Variants in WDPCP observed in about 807,000 individuals in gnomAD.
WDPCP encodes WD repeat-containing and planar cell polarity effector protein fritz homolog.
WDPCP carries 71 observed loss-of-function variants against 93.1 expected under a neutral mutation model. The ratio of observed to expected loss-of-function variants is 0.76; its 90% CI spans 0.63 to 0.93. The LOEUF is 0.93. Among genes scored for constraint, WDPCP ranks in the 40% least tolerant of loss-of-function variants. WDPCP has a pLI of 0.00. For synonymous variants in WDPCP, 315 were observed against 315.0 expected (o/e 1.00, Z 0.00); for missense variants, 844 against 887.4 (o/e 0.95, Z 0.62).
Position 63,121,436 on chromosome 2 carries a change from G to A in WDPCP, c.*570C>T, listed in dbSNP as rs1348386494. The A allele has an allele frequency of 7.0e-6, 1 of 141,884 alleles. No homozygotes were observed. Among genetic ancestry groups the A allele is most frequent in the Non-Finnish European group, 1.5e-5 (1 of 66,576 alleles). 8.8% of individuals were successfully genotyped at this position (141,884 alleles called of 1,614,324 possible). A position where few individuals can be genotyped will look rare whatever the true frequency, so the allele number is the denominator to read the frequency against. ...GTCACTCTCTGTTGCCCAGGTTAGA[G>A]TGCAGTGGCGCGATCACAGCTCACT... On this transcript the variant is annotated 3_prime_UTR_variant, in exon 18 of 18. Transcript: ENST00000272321.
chr2:63,503,383 T>C (rs1701673566), intron 1 of WDPCP, among the ~76,000 whole-genome samples: 1 of 152,184 alleles, frequency 6.6e-6, no homozygotes, highest in Non-Finnish European at 1.5e-5. Flanking sequence ...TGCACACAAT[T>C]TTCCATTATC....
chr2:63,547,556 TACAC>T (rs1553429504), intron 1 of WDPCP, among the ~76,000 whole-genome samples: 1 of 4,774 alleles, frequency 2.1e-4, no homozygotes, highest in African/African-American at 3.7e-3. Flanking sequence ...GTGGTATGTA[TACAC>T]ACACACACAC....
chr2:63,441,655 G>T (rs559942613), intron 6 of WDPCP: 2 of 152,020 alleles, frequency 1.3e-5, no homozygotes, highest in Admixed American at 6.6e-5. Context: ...AAAAAACTTG[G>T]TCTAATTTTC....
chr2:63,187,630 T>A (rs977334678), intron 14 of WDPCP, among the ~76,000 whole-genome samples: 1 of 152,220 alleles, frequency 6.6e-6, no homozygotes, highest in Non-Finnish European at 1.5e-5. Context: ...CCCCCTTATG[T>A]TATTGTCATA....
rs547631355 is a variant in WDPCP, at chr2:63,694,913, T to C, written n.309-44075A>G. On this transcript the variant is annotated intron_variant and non_coding_transcript_variant, in intron 2 of 4. Coordinates refer to the WDPCP transcript ENST00000467687. Reference sequence around the variant, plus strand: ...TAGACTGAGAAGGGTTCAACTTCTGTCTGGTCAAAGTTTGCAGGCCAAGTT... The same window carrying C: ...TAGACTGAGAAGGGTTCAACTTCTGCCTGGTCAAAGTTTGCAGGCCAAGTT... Among the ~76,000 whole-genome samples, 12 of 152,272 alleles carry C rather than the reference T, an allele frequency of 7.9e-5. No individual in the cohort carries two copies. The East Asian group carries it at 2.3e-3, about 29-fold the overall frequency.
At chr2:63,563,616 A>C (rs979679364) in intron 1 of WDPCP, among the ~76,000 whole-genome samples, 8 of 152,050 alleles carry the variant, frequency 5.3e-5, no homozygotes, top group Non-Finnish European at 1.0e-4. Flanking sequence ...AAATGTTCTC[A>C]ATTAGATAGT....
chr2:63,227,189 A>C (rs1416896413), intron 14 of WDPCP, among the ~76,000 whole-genome samples: 1 of 151,942 alleles, frequency 6.6e-6, no homozygotes, highest in East Asian at 1.9e-4. Context: ...TTTTATTATA[A>C]ATATAGCTTT....
chr2:63,481,936 A>T (rs972641868), intron 6 of WDPCP, among the ~76,000 whole-genome samples: 1 of 151,974 alleles, frequency 6.6e-6, no homozygotes, highest in South Asian at 2.1e-4. Flanking sequence ...AGGAGAAAAA[A>T]TAAGTAAACA....
chr2:63,417,719 A>G (rs1467299839), intron 9 of WDPCP, among the ~76,000 whole-genome samples: 1 of 148,712 alleles, frequency 6.7e-6, no homozygotes, highest in Non-Finnish European at 1.5e-5. Flanking sequence ...GACTGAAATG[A>G]CATCAAATTA....
intron 1 of WDPCP, among the ~76,000 whole-genome samples, chr2:63,493,391 T>C (rs1701016298): frequency 6.6e-6 from 1 of 152,160 alleles, no homozygotes; most frequent in East Asian, 1.9e-4. Flanking sequence ...ACAAACAGGC[T>C]AATTAAAGTG....
At chr2:63,763,852 G>A (rs995283273) in intron 2 of WDPCP, among the ~76,000 whole-genome samples, 1 of 152,104 alleles carries the variant, frequency 6.6e-6, no homozygotes, top group African/African-American at 2.4e-5. Context: ...GCTTCAAACG[G>A]TACAGGGTGG....
chr2:63,272,910 C>T (rs901546252), intron 13 of WDPCP, among the ~76,000 whole-genome samples: 3 of 152,084 alleles, frequency 2.0e-5, no homozygotes, highest in African/African-American at 7.2e-5. Context: ...CAAAACGTTC[C>T]TAAATAGATA....
intron 1 of WDPCP, among the ~76,000 whole-genome samples, chr2:63,494,161 C>CA (rs1701061391): frequency 6.6e-6 from 1 of 152,030 alleles, no homozygotes; most frequent in South Asian, 2.1e-4. Context: ...AAAAATGTGG[C>CA]AGCACACAAG....
chr2:63,354,758 A>G (rs886602963), intron 12 of WDPCP, among the ~76,000 whole-genome samples: 1 of 152,104 alleles, frequency 6.6e-6, no homozygotes, highest in Non-Finnish European at 1.5e-5. Flanking sequence ...AAAACCTAAC[A>G]GGTCTGACAG....
intron 2 of WDPCP, among the ~76,000 whole-genome samples, chr2:63,800,348 AG>A (rs1240397297): frequency 1.3e-5 from 2 of 152,218 alleles, no homozygotes; most frequent in Non-Finnish European, 2.9e-5. Context: ...CAGTGGAAGT[AG>A]CCTTTCTTCA....
chr2:63,676,920 T>C (rs1710410817), intron 2 of WDPCP, among the ~76,000 whole-genome samples: 1 of 152,298 alleles, frequency 6.6e-6, no homozygotes. Context: ...TGTGAAATGT[T>C]TGCATTCAGT....
At chr2:63,597,549 A>G in intron 3 of WDPCP, 1 of 1,439,056 alleles carries the variant, frequency 6.9e-7, no homozygotes, top group Non-Finnish European at 9.2e-7. Context: ...GCAGCCTTAG[A>G]TAAATACGCC....
At chr2:63,616,969 G>A (rs1004229687) in intron 3 of WDPCP, among the ~76,000 whole-genome samples, 1 of 152,144 alleles carries the variant, frequency 6.6e-6, no homozygotes, top group Non-Finnish European at 1.5e-5. Flanking sequence ...AAATAAAGCT[G>A]GAGTAGGTGG....
At chr2:63,680,893 C>G (rs746400334) in intron 2 of WDPCP, among the ~76,000 whole-genome samples, 1 of 152,024 alleles carries the variant, frequency 6.6e-6, no homozygotes, top group Non-Finnish European at 1.5e-5. Flanking sequence ...TGAGAGGCAC[C>G]CATTCCAGGC....
Sources: gnomAD v4.1 joint callset for allele counts (sites outside exome capture counted in the v4.1 genomes callset) on GRCh38, gnomAD v4.1.1 for gene constraint, MANE v1.5 for transcripts, NCBI Gene and HGNC (gene_info 2026-07-23, HGNC 2026-07-21) for gene names.